DPP6: variants seen among roughly 807,000 people sequenced by gnomAD.
DPP6 encodes dipeptidyl peptidase like 6, also known as A-type potassium channel modulatory protein DPP6.
A neutral mutation model predicts 122.6 loss-of-function variants in DPP6; 69 were observed. That is an observed-to-expected ratio of 0.56 (90% CI 0.46 to 0.69). The LOEUF is 0.69. DPP6 is among the 30% of genes least tolerant of loss of function. DPP6 has a pLI of 0.00. For missense variants in DPP6, 928 were observed against 1,116.9 expected, an observed-to-expected ratio of 0.83 and a Z score of 2.41; for synonymous variants, 418 against 433.1, an observed-to-expected ratio of 0.97 and a Z score of 0.43.
chr7:153,894,149 C>A (rs1799314251), intron 1 of DPP6, among the ~76,000 whole-genome samples: 1 of 152,182 alleles, frequency 6.6e-6, no homozygotes, highest in African/African-American at 2.4e-5. Context: ...TGCCCTGTGA[C>A]CCTTGGTTTC....
intron 16 of DPP6, among the ~76,000 whole-genome samples, chr7:154,834,674 A>C (rs1800907224): frequency 6.6e-6 from 1 of 152,250 alleles, no homozygotes. Flanking sequence ...CTAAAGCGTA[A>C]AGTGCAAGAC....
intron 1 of DPP6, among the ~76,000 whole-genome samples, chr7:154,322,883 G>A (rs185914565): frequency 6.6e-6 from 1 of 152,146 alleles, no homozygotes; most frequent in East Asian, 1.9e-4. Context: ...CACAACCGAC[G>A]TTATCAACCT....
At chr7:153,988,536 A>C (rs1796961281) in intron 1 of DPP6, among the ~76,000 whole-genome samples, 1 of 151,978 alleles carries the variant, frequency 6.6e-6, no homozygotes, top group Non-Finnish European at 1.5e-5. Context: ...GGCCTCACCC[A>C]CCCTTTTTTG....
intron 3 of DPP6, among the ~76,000 whole-genome samples, chr7:154,519,227 G>A (rs1341736407): frequency 6.6e-6 from 1 of 152,078 alleles, no homozygotes; most frequent in African/African-American, 2.4e-5. Flanking sequence ...CACAGTGAAT[G>A]TATACTAATG....
intron 1 of DPP6, among the ~76,000 whole-genome samples, chr7:154,368,018 G>A (rs1812330667): frequency 6.6e-6 from 1 of 152,074 alleles, no homozygotes; most frequent in Non-Finnish European, 1.5e-5. Context: ...ATGTTGGCCA[G>A]GCTGGTCTCG....
chr7:154,094,902 G>A (rs1237730432), intron 1 of DPP6: 1 of 152,240 alleles, frequency 6.6e-6, no homozygotes, highest in Non-Finnish European at 1.5e-5. Flanking sequence ...TCTCCCAAAT[G>A]AGAACTCCTC....
intron 16 of DPP6, chr7:154,838,838 G>A (rs1349164044): frequency 1.3e-5 from 2 of 152,254 alleles, no homozygotes; most frequent in African/African-American, 2.4e-5. Context: ...GAGGAAAAGA[G>A]GATGGAAGAC....
At chr7:154,552,991 A>G (rs770537008) in intron 4 of DPP6, among the ~76,000 whole-genome samples, 5 of 152,232 alleles carry the variant, frequency 3.3e-5, no homozygotes, top group Admixed American at 6.5e-5. Context: ...TTACTCAGGG[A>G]CAAGATGTCA....
chr7:154,136,919 A>G (rs918973385), intron 1 of DPP6, among the ~76,000 whole-genome samples: 7 of 152,184 alleles, frequency 4.6e-5, no homozygotes, highest in Non-Finnish European at 8.8e-5. Context: ...AAATTATAGT[A>G]TAGTCTAATT....
intron 1 of DPP6, among the ~76,000 whole-genome samples, chr7:154,248,418 G>A (rs1802129186): frequency 6.6e-6 from 1 of 152,052 alleles, no homozygotes; most frequent in African/African-American, 2.4e-5. Flanking sequence ...AGCAGGGAGA[G>A]AAGTCAGAAC....
chr7:153,864,154 G>T, the DPP6 span, among the ~76,000 whole-genome samples: 709 of 152,220 alleles, frequency 4.7e-3, 7 homozygotes, highest in African/African-American at 0.016. Flanking sequence ...TTTGAGGAAC[G>T]CCAGACTGTG....
chr7:154,778,559 C>G (rs1376159869), intron 10 of DPP6, among the ~76,000 whole-genome samples: 2 of 151,186 alleles, frequency 1.3e-5, no homozygotes, highest in African/African-American at 2.5e-5. Context: ...TTGAGCACCC[C>G]CCCCCAAAAA....
At chr7:154,280,729 T>C (rs1433645121) in intron 1 of DPP6, among the ~76,000 whole-genome samples, 3 of 152,236 alleles carry the variant, frequency 2.0e-5, no homozygotes, top group African/African-American at 7.2e-5. Flanking sequence ...TATTTATCTT[T>C]TCTTAACATT....
chr7:154,818,705 G>A (rs1471882856), intron 16 of DPP6, among the ~76,000 whole-genome samples: 2 of 152,112 alleles, frequency 1.3e-5, no homozygotes, highest in African/African-American at 4.8e-5. Context: ...TTTTAATTTT[G>A]AATTTATCCA....
At chr7:153,802,889 A>G in the DPP6 span, among the ~76,000 whole-genome samples, 6,067 of 152,162 alleles carry the variant, frequency 0.04, 128 homozygotes, top group Non-Finnish European at 0.044. Flanking sequence ...GGTCTTGTCC[A>G]GCTGAAACAC....
At chr7:154,650,143 GA>G (rs1441649017) in intron 6 of DPP6, among the ~76,000 whole-genome samples, 1 of 152,048 alleles carries the variant, frequency 6.6e-6, no homozygotes, top group African/African-American at 2.4e-5. Flanking sequence ...AACATAGCAA[GA>G]CACCCATCTC....
the DPP6 span, among the ~76,000 whole-genome samples, chr7:153,795,182 C>T: frequency 0.018 from 2,764 of 152,266 alleles, 25 homozygotes; most frequent in Middle Eastern, 0.027. Context: ...TTTGGCAGGC[C>T]GAGGTGGGTG....
intron 1 of DPP6, among the ~76,000 whole-genome samples, chr7:154,129,899 C>CAA (rs753343107): frequency 4.6e-5 from 5 of 108,338 alleles, no homozygotes; most frequent in East Asian, 2.5e-4. Context: ...GACTCTGTCT[C>CAA]AAAAAAAAAA....
chr7:154,260,681 C>T (rs896221865), intron 1 of DPP6, among the ~76,000 whole-genome samples: 16 of 146,286 alleles, frequency 1.1e-4, no homozygotes, highest in Non-Finnish European at 1.9e-4. Flanking sequence ...ATATATAATA[C>T]ATATATATGT....
Sources: gnomAD v4.1 joint callset for allele counts (sites outside exome capture counted in the v4.1 genomes callset) on GRCh38, gnomAD v4.1.1 for gene constraint, MANE v1.5 for transcripts, NCBI Gene and HGNC (gene_info 2026-07-23, HGNC 2026-07-21) for gene names.